TSPAN5: variants seen among roughly 807,000 people sequenced by gnomAD.
TSPAN5 encodes the protein tetraspanin 5.
TSPAN5 carries 10 observed loss-of-function variants against 37.1 expected under a neutral mutation model. That is an observed-to-expected ratio of 0.27 (90% confidence interval 0.17 to 0.46). The LOEUF is 0.46. Ranked by LOEUF, TSPAN5 falls within the 20% of genes least tolerant of loss-of-function variation. The pLI is 1.00. For missense variants in TSPAN5, 195 were observed against 326.6 expected (o/e 0.60, Z 3.11); for synonymous variants, 110 against 118.9 (o/e 0.93, Z 0.48).
At chr4:98,651,148 G>A (rs992020186) in intron 1 of TSPAN5, among the ~76,000 whole-genome samples, 2 of 152,158 alleles carry the variant, frequency 1.3e-5, no homozygotes, top group Admixed American at 1.3e-4. Flanking sequence ...GGGACAAACA[G>A]AAATCAATGC....
intron 1 of TSPAN5, among the ~76,000 whole-genome samples, chr4:98,533,753 T>G (rs1370954392): frequency 6.7e-6 from 1 of 148,960 alleles, no homozygotes; most frequent in Non-Finnish European, 1.5e-5. Flanking sequence ...GGTTTCACCA[T>G]GTTAGCCAGG....
intron 1 of TSPAN5, among the ~76,000 whole-genome samples, chr4:98,567,718 G>C (rs141884928): frequency 3.1e-4 from 47 of 152,296 alleles, no homozygotes; most frequent in Admixed American, 5.9e-4. Flanking sequence ...GAGGAAACCT[G>C]AAAGGGGCCT....
At chr4:98,635,173 C>T (rs1756827694) in intron 1 of TSPAN5, among the ~76,000 whole-genome samples, 2 of 152,238 alleles carry the variant, frequency 1.3e-5, no homozygotes. Context: ...ACGAAGCACT[C>T]TCACATTTTC....
intron 1 of TSPAN5, among the ~76,000 whole-genome samples, chr4:98,581,683 A>G (rs1560546047): frequency 6.6e-6 from 1 of 152,238 alleles, no homozygotes; most frequent in Non-Finnish European, 1.5e-5. Flanking sequence ...ATTTTGCTGC[A>G]CATTAAAAAG....
chr4:98,640,676 C>T (rs974659687), intron 1 of TSPAN5, among the ~76,000 whole-genome samples: 2 of 152,162 alleles, frequency 1.3e-5, no homozygotes, highest in African/African-American at 4.8e-5. Context: ...TGGAGATACA[C>T]TCTCCTCCAA....
At chr4:98,534,378 A>G (rs941717956) in intron 1 of TSPAN5, among the ~76,000 whole-genome samples, 6 of 152,194 alleles carry the variant, frequency 3.9e-5, no homozygotes, top group Admixed American at 6.5e-5. Context: ...GTGGTCTGAC[A>G]GACTGTTTGT....
rs879934815 is a variant in TSPAN5 at position 98,546,691 on chromosome 4, TG to T, written c.82-38964del. On this transcript the variant is annotated intron_variant, in intron 1 of 7. Coordinates refer to ENST00000305798, the MANE Select transcript of TSPAN5 (RefSeq NM_005723.4). The stretch of plus-strand genomic sequence containing the variant: ...TAAACCTGGACTCACAGGGTTGAGG[TG>T]GGGAGAGAGAGAGAGAGAAGTGAAA... 1.4e-4 allele frequency among the ~76,000 whole-genome samples: 21 copies of T among 151,164 alleles called. 1 individual carries two copies. The highest frequency in any genetic ancestry group is 1.1e-3 in the Admixed American group (17 of 15,206).
intron 1 of TSPAN5, among the ~76,000 whole-genome samples, chr4:98,638,637 C>T (rs1756905752): frequency 6.6e-6 from 1 of 152,176 alleles, no homozygotes; most frequent in Admixed American, 6.5e-5. Context: ...CGCTTCCATG[C>T]CCTTTCTAGA....
intron 1 of TSPAN5, among the ~76,000 whole-genome samples, chr4:98,641,498 C>T (rs1756961669): frequency 6.6e-6 from 1 of 152,146 alleles, no homozygotes; most frequent in African/African-American, 2.4e-5. Context: ...TCTGCTCATT[C>T]CAAAGCATGA....
At chr4:98,606,646 C>T (rs79358957) in intron 1 of TSPAN5, among the ~76,000 whole-genome samples, 17,425 of 152,150 alleles carry the variant, frequency 0.11, 1,508 homozygotes, top group African/African-American at 0.2. Context: ...TTATTAGCAA[C>T]AGCTTAAGTG....
intron 7 of TSPAN5, among the ~76,000 whole-genome samples, chr4:98,475,719 G>A (rs1752675248): frequency 6.6e-6 from 1 of 152,204 alleles, no homozygotes; most frequent in African/African-American, 2.4e-5. Flanking sequence ...GCCAGGCACG[G>A]TGGATCACTC....
At chr4:98,489,784 T>C (rs28439415) in intron 2 of TSPAN5, among the ~76,000 whole-genome samples, 5,992 of 151,434 alleles carry the variant, frequency 0.04, 367 homozygotes, top group African/African-American at 0.14. Flanking sequence ...ACTCACCGCA[T>C]GCATGGCCCA....
chr4:98,530,816 A>T (rs1578970889), intron 1 of TSPAN5, among the ~76,000 whole-genome samples: 1 of 152,092 alleles, frequency 6.6e-6, no homozygotes, highest in South Asian at 2.1e-4. Flanking sequence ...ACCATAGCTC[A>T]CTGCTGCCAC....
intron 3 of TSPAN5, chr4:98,484,552 A>G (rs1752918356): frequency 2.2e-6 from 1 of 456,110 alleles, no homozygotes; most frequent in African/African-American, 2.0e-5. Context: ...GCTGATTTAG[A>G]GAAATGTGTA....
intron 1 of TSPAN5, among the ~76,000 whole-genome samples, chr4:98,515,290 G>A (rs1399764313): frequency 1.3e-5 from 2 of 152,108 alleles, no homozygotes; most frequent in African/African-American, 4.8e-5. Flanking sequence ...GATAAGAAGG[G>A]CACCTCAGAA....
At chr4:98,494,845 C>G (rs1292757888) in intron 2 of TSPAN5, among the ~76,000 whole-genome samples, 1 of 151,958 alleles carries the variant, frequency 6.6e-6, no homozygotes, top group Non-Finnish European at 1.5e-5. Context: ...GTGACAGTCA[C>G]TAACTTGTTA....
At chr4:98,607,028 G>A (rs1345610907) in intron 1 of TSPAN5, among the ~76,000 whole-genome samples, 3 of 151,990 alleles carry the variant, frequency 2.0e-5, no homozygotes, top group Admixed American at 1.3e-4. Flanking sequence ...GCAGTTGGGG[G>A]AAGGGAGCAG....
At chr4:98,493,590 T>C (rs1482684747) in intron 2 of TSPAN5, among the ~76,000 whole-genome samples, 1 of 152,238 alleles carries the variant, frequency 6.6e-6, no homozygotes, top group Admixed American at 6.5e-5. Context: ...ATATTCAAGA[T>C]GATCGATTCA....
At chr4:98,657,747 C>G (rs998295701) in intron 1 of TSPAN5, 22 of 267,874 alleles carry the variant, frequency 8.2e-5, no homozygotes, top group Non-Finnish European at 1.5e-4. Context: ...ACCTCAGGGT[C>G]GGCCGTGCCC....
Sources: allele counts gnomAD v4.1 joint callset (sites outside exome capture counted in the v4.1 genomes callset), GRCh38; gene constraint gnomAD v4.1.1; transcripts MANE v1.5; gene names NCBI Gene and HGNC (gene_info 2026-07-23, HGNC 2026-07-21).